Variants in ADAMTS6 observed in about 807,000 individuals in gnomAD.
ADAMTS6 encodes the protein A disintegrin and metalloproteinase with thrombospondin motifs 6.
In ADAMTS6, 23 loss-of-function variants were observed where a neutral mutation model predicts 144.3. The observed-to-expected ratio is 0.16, with a 90% CI of 0.11 to 0.23. The LOEUF is 0.23. Among genes scored for constraint, ADAMTS6 ranks in the 10% least tolerant of loss-of-function variants. The pLI, the probability that ADAMTS6 is intolerant of heterozygous loss-of-function variation, is 1.00. For missense variants in ADAMTS6, 999 were observed against 1,379.6 expected, an observed-to-expected ratio of 0.72 and a Z score of 4.37; for synonymous variants, 444 against 457.5, an observed-to-expected ratio of 0.97 and a Z score of 0.38.
intron 7 of ADAMTS6, among the ~76,000 whole-genome samples, chr5:65,345,896 G>A (rs1162382628): frequency 6.6e-6 from 1 of 151,906 alleles, no homozygotes; most frequent in East Asian, 1.9e-4. Flanking sequence ...ACAGTACATA[G>A]CTTATTATTC....
intron 7 of ADAMTS6, among the ~76,000 whole-genome samples, chr5:65,442,822 T>TC (rs1580718817): frequency 6.6e-6 from 1 of 152,212 alleles, no homozygotes; most frequent in East Asian, 1.9e-4. Context: ...CCAAATGCTC[T>TC]CCCTCCCCTT....
intron 14 of ADAMTS6, among the ~76,000 whole-genome samples, chr5:65,252,807 T>C (rs12514074): frequency 0.44 from 65,943 of 150,712 alleles, 14,451 homozygotes; most frequent in Admixed American, 0.46. Context: ...GGTTGCAAGG[T>C]CCTAAAGGAA....
rs184656396 is a variant in ADAMTS6 at position 65,393,450 on chromosome 5, A to C, written c.1073+58025T>G. ...TTAACACTATGACCTAGCTCTCATC[A>C]TTTCTCCAAATGGCTGAATTATCAT... is the stretch of plus-strand genomic sequence containing the variant. On this transcript the variant is annotated intron_variant, in intron 7 of 24. Transcript: ENST00000381055. Among the ~76,000 whole-genome samples, 365 of 152,290 alleles carry C rather than the reference A, an allele frequency of 2.4e-3. 4 individuals are homozygous for C. The highest frequency in any genetic ancestry group is 3.4e-3 in the Non-Finnish European group (229 of 68,014).
chr5:65,411,777 A>G (rs1580644469), intron 7 of ADAMTS6, among the ~76,000 whole-genome samples: 1 of 152,340 alleles, frequency 6.6e-6, no homozygotes, highest in East Asian at 1.9e-4. Context: ...AGTAACATTT[A>G]AATATAGGTC....
rs745355851 is a variant in ADAMTS6, at chr5:65,273,424, A to G, written c.1536T>C (p.Cys512=). ...TGACACAGCGGTTGCTTTTGCTGAGACACCAGAGCTCTCTACACACTTCCT... is the reference window on the plus strand; with the variant it reads ...TGACACAGCGGTTGCTTTTGCTGAGGCACCAGAGCTCTCTACACACTTCCT... ...KYGEVCRELW[C]LSKSNRCVTN... Residue 512 remains cysteine (C), a synonymous_variant, in exon 12 of 25, where the codon TGT becomes TGC. Coordinates refer to ENST00000381055, the MANE Select transcript of ADAMTS6 (RefSeq NM_197941.4). The G allele has an allele frequency of 6.2e-7, 1 of 1,613,726 alleles. No individual in the cohort carries two copies. The highest frequency in any genetic ancestry group is 1.3e-5 in the African/African-American group (1 of 74,880).
chr5:65,375,951 G>C (rs1257590706), intron 7 of ADAMTS6, among the ~76,000 whole-genome samples: 1 of 152,202 alleles, frequency 6.6e-6, no homozygotes, highest in Non-Finnish European at 1.5e-5. Flanking sequence ...ATGAGTTCAT[G>C]TCGTTTGTAG....
intron 4 of ADAMTS6, among the ~76,000 whole-genome samples, chr5:65,457,084 A>G (rs1228264207): frequency 2.0e-5 from 3 of 152,220 alleles, no homozygotes; most frequent in African/African-American, 7.2e-5. Flanking sequence ...ACATTTCTCA[A>G]ATTTACTAGT....
chr5:65,361,966 C>A (rs1402309442), intron 7 of ADAMTS6, among the ~76,000 whole-genome samples: 2 of 152,162 alleles, frequency 1.3e-5, no homozygotes, highest in South Asian at 2.1e-4. Flanking sequence ...AACTCCTGGG[C>A]TCAAGCAATC....
At chr5:65,451,683 T>G (rs1758752680) in intron 6 of ADAMTS6, 63 bp from the exon 7 acceptor site, 14 of 1,573,268 alleles carry the variant, frequency 8.9e-6, no homozygotes, top group Non-Finnish European at 1.1e-5. Flanking sequence ...TTGTTAAAAC[T>G]TTTGAAGACT....
chr5:65,269,790 C>CCTTT (rs1561355788), intron 12 of ADAMTS6, among the ~76,000 whole-genome samples: 2 of 133,212 alleles, frequency 1.5e-5, no homozygotes, highest in Non-Finnish European at 3.2e-5. Flanking sequence ...AGTGTAAGTA[C>CCTTT]TTTTTTTTTT....
chr5:65,296,447 T>C (rs998116794), intron 10 of ADAMTS6, among the ~76,000 whole-genome samples: 2 of 152,158 alleles, frequency 1.3e-5, no homozygotes, highest in African/African-American at 4.8e-5. Context: ...TTTCCCCCTA[T>C]ATGTAATTAT....
chr5:65,357,951 A>G (rs2150099898), intron 7 of ADAMTS6, among the ~76,000 whole-genome samples: 1 of 152,098 alleles, frequency 6.6e-6, no homozygotes, highest in Middle Eastern at 3.4e-3. Context: ...AAAAGACTGA[A>G]AAAGAGGAAA....
chr5:65,422,938 C>T (rs552799500), intron 7 of ADAMTS6, among the ~76,000 whole-genome samples: 2 of 152,004 alleles, frequency 1.3e-5, no homozygotes, highest in Non-Finnish European at 2.9e-5. Flanking sequence ...TAAGAAAATG[C>T]GATATATACA....
intron 22 of ADAMTS6, among the ~76,000 whole-genome samples, chr5:65,181,785 A>G (rs1183966196): frequency 6.6e-6 from 1 of 152,240 alleles, no homozygotes; most frequent in Non-Finnish European, 1.5e-5. Context: ...AGGCAAAAAC[A>G]TATAGGATGT....
chr5:65,440,130 A>G (rs1028979148), intron 7 of ADAMTS6, among the ~76,000 whole-genome samples: 8 of 152,190 alleles, frequency 5.3e-5, no homozygotes, highest in African/African-American at 1.9e-4. Context: ...GTTCTTAGAA[A>G]GCACAAACTG....
At chr5:65,289,102 G>T (rs1742036144) in intron 11 of ADAMTS6, among the ~76,000 whole-genome samples, 1 of 152,128 alleles carries the variant, frequency 6.6e-6, no homozygotes, top group South Asian at 2.1e-4. Flanking sequence ...CCATTATTTT[G>T]CTACAAATCA....
In ADAMTS6 at chr5:65,468,718, A is replaced by T. The variant is rs115231494; in HGVS notation, c.462+2060T>A. ...AAGTCTCAATAAGGATGAATAGGTG[A>T]CATTTTGTCATCTCCTTCATTGTAG... On this transcript the variant is annotated intron_variant, in intron 3 of 24. Coordinates refer to ENST00000381055, the MANE Select transcript of ADAMTS6 (RefSeq NM_197941.4). 1.7e-3 allele frequency among the ~76,000 whole-genome samples: 253 copies of T among 152,320 alleles called. 1 individual carries two copies. The highest frequency in any genetic ancestry group is 0.014 in the South Asian group (68 of 4,826).
At chr5:65,407,465 T>C (rs1215652891) in intron 7 of ADAMTS6, among the ~76,000 whole-genome samples, 51 of 150,796 alleles carry the variant, frequency 3.4e-4, no homozygotes, top group Admixed American at 2.8e-3. Context: ...ATTAGGTATA[T>C]CTCCTAATGC....
chr5:65,333,003 C>T (rs1006473253), intron 8 of ADAMTS6, among the ~76,000 whole-genome samples: 1 of 152,032 alleles, frequency 6.6e-6, no homozygotes, highest in Admixed American at 6.6e-5. Context: ...TTTTAGTTTC[C>T]GAAGAGATAT....
Sources: allele counts gnomAD v4.1 joint callset (sites outside exome capture counted in the v4.1 genomes callset), GRCh38; gene constraint gnomAD v4.1.1; transcripts MANE v1.5; gene names NCBI Gene and HGNC (gene_info 2026-07-23, HGNC 2026-07-21).